Variants in NRP1 observed in about 807,000 individuals in gnomAD.
NRP1 encodes the protein neuropilin-1.
NRP1 carries 35 observed loss-of-function variants against 106.7 expected under a neutral mutation model. The observed-to-expected ratio is 0.33, with a 90% CI of 0.25 to 0.43. The LOEUF is 0.43. Ranked by LOEUF, NRP1 falls within the 20% of genes least tolerant of loss-of-function variation. NRP1 has a pLI of 1.00. For synonymous variants in NRP1, 437 were observed against 417.9 expected (o/e 1.05, Z -0.56); for missense variants, 1,024 against 1,170.4 (o/e 0.87, Z 1.83).
intron 8 of NRP1, among the ~76,000 whole-genome samples, chr10:33,214,447 C>T (rs753301596): frequency 3.9e-5 from 6 of 152,124 alleles, no homozygotes; most frequent in Non-Finnish European, 5.9e-5. Flanking sequence ...TCGTCATTTC[C>T]GTTTTGCTGC....
rs1222857683 is a variant in NRP1 at position 33,213,409 on chromosome 10, C to T, written c.1591G>A (p.Asp531Asn). The stretch of plus-strand genomic sequence containing the variant: ...ACCTTCGCCTTGCGTTTGCTGTCAT[C>T]CATGATCATCTTCCAGTCCGAGCCG... The part of the protein sequence containing the change: ...NNGSDWKMIM[D>N]DSKRKAKSFE... The change falls in exon 9 of 17, where the codon GAT (aspartate) becomes AAT (asparagine). Residue 531 changes from aspartate to asparagine, a missense_variant. Transcript: ENST00000374867. 6.2e-7 allele frequency: 1 copy of T among 1,613,960 alleles called. No homozygotes were observed. Among genetic ancestry groups the T allele is most frequent in the African/African-American group, 1.3e-5 (1 of 74,888 alleles).
chr10:33,240,364 C>G (rs1335527733), intron 6 of NRP1, among the ~76,000 whole-genome samples: 1 of 152,206 alleles, frequency 6.6e-6, no homozygotes, highest in Non-Finnish European at 1.5e-5. Flanking sequence ...TGGGTGATTT[C>G]TAAGTGGCTC....
chr10:33,267,145 G>A (rs1359186476), intron 3 of NRP1, among the ~76,000 whole-genome samples: 1 of 152,206 alleles, frequency 6.6e-6, no homozygotes, highest in Non-Finnish European at 1.5e-5. Flanking sequence ...ATGATTGTCA[G>A]TTTCCTGAGG....
At chr10:33,206,059 T>A (rs538215526) in intron 10 of NRP1, 6 of 376,982 alleles carry the variant, frequency 1.6e-5, no homozygotes, top group South Asian at 7.9e-5. Flanking sequence ...TTAGGTCAGA[T>A]CTCTTTCACT....
chr10:33,308,799 T>TA lies in NRP1; in HGVS notation c.248+21908dup, dbSNP rs944732279. Among the ~76,000 whole-genome samples the TA allele has an allele frequency of 5.9e-5, 9 of 152,182 alleles. No individual in the cohort carries two copies. In the South Asian group the frequency reaches 1.7e-3, roughly 28 times the overall value. ...CCACCATGCCTGGCCTCAATTTTTT[T>TA]AAAAAATGCATATTTCTAAATGCAA... is the stretch of plus-strand genomic sequence containing the variant. On this transcript the variant is annotated intron_variant, in intron 2 of 16. Coordinates refer to ENST00000374867, the MANE Select transcript of NRP1 (RefSeq NM_003873.7).
intron 2 of NRP1, among the ~76,000 whole-genome samples, chr10:33,312,002 A>G (rs1013482339): frequency 1.1e-4 from 17 of 152,218 alleles, no homozygotes; most frequent in African/African-American, 4.1e-4. Flanking sequence ...AATGCTGGGA[A>G]TTAGCTGAAT....
rs201541814 is a variant in NRP1, at chr10:33,221,804, C to T, written c.1197G>A (p.Leu399=). 2.5e-6 allele frequency: 4 copies of T among 1,614,038 alleles called. No individual in the cohort carries two copies. Among genetic ancestry groups the T allele is most frequent in the Non-Finnish European group, 3.4e-6 (4 of 1,179,954 alleles). Residue 399 remains leucine, a synonymous_variant, in exon 8 of 17, where the codon CTG becomes CTA. Transcript: ENST00000374867. ...GCTTGATTCGGACAAATCGAGTTAT[C>T]AGTGGTTTGGGGAATACTGCAACCA... ...DVVVAVFPKP[L]ITRFVRIKPA... is the part of the protein sequence containing the mutation.
At chr10:33,225,403 T>G (rs1245613989) in intron 7 of NRP1, among the ~76,000 whole-genome samples, 1 of 152,234 alleles carries the variant, frequency 6.6e-6, no homozygotes, top group Non-Finnish European at 1.5e-5. Flanking sequence ...TGTGTTTTGC[T>G]CAGCCTCCAG....
chr10:33,198,842 G>T (rs1202267378), intron 11 of NRP1, among the ~76,000 whole-genome samples: 3 of 152,278 alleles, frequency 2.0e-5, no homozygotes, highest in South Asian at 4.1e-4. Context: ...GTTTGGAGAA[G>T]CTGCAGGAAG....
intron 6 of NRP1, among the ~76,000 whole-genome samples, chr10:33,253,383 C>T (rs932950355): frequency 6.6e-6 from 1 of 152,052 alleles, no homozygotes; most frequent in African/African-American, 2.4e-5. Context: ...AAGGGAATGC[C>T]AGAACAAAGC....
At chr10:33,226,779 A>G (rs1386583712) in intron 6 of NRP1, among the ~76,000 whole-genome samples, 9 of 152,178 alleles carry the variant, frequency 5.9e-5, no homozygotes, top group Non-Finnish European at 8.8e-5. Flanking sequence ...AACTCTTTCA[A>G]CCATTGCCAA....
intron 11 of NRP1, among the ~76,000 whole-genome samples, chr10:33,199,923 G>A (rs756017801): frequency 6.6e-6 from 1 of 152,174 alleles, no homozygotes; most frequent in African/African-American, 2.4e-5. Context: ...CCATAAAATC[G>A]TGCTCTTGGA....
In NRP1 at chr10:33,334,490, G is replaced by A. The variant is rs1471763235; in HGVS notation, c.-108C>T. ...CCGAAGAGCCCCAACTCCGCCTAGA[G>A]CTGTACAATCCTCAGCCCGTCTTGG... On this transcript the variant is annotated 5_prime_UTR_variant, in exon 1 of 17. Coordinates refer to ENST00000374867, the MANE Select transcript of NRP1 (RefSeq NM_003873.7). 25 of 944,956 alleles carry A rather than the reference G, an allele frequency of 2.6e-5. No individual in the cohort carries two copies. In the East Asian group the frequency reaches 6.5e-4, roughly 25 times the overall value. The allele number at this position is 944,956 out of a possible 1,614,324, so 58.5% of individuals were successfully genotyped here.
chr10:33,270,395 C>T (rs992048288), intron 3 of NRP1, among the ~76,000 whole-genome samples: 4 of 150,866 alleles, frequency 2.7e-5, no homozygotes, highest in Admixed American at 2.6e-4. Context: ...GGCCTGTGCT[C>T]GGCTCACTGC....
chr10:33,205,989 T>C (rs1380828783), intron 10 of NRP1: 3 of 249,318 alleles, frequency 1.2e-5, no homozygotes, highest in Admixed American at 4.5e-5. Flanking sequence ...TAAAGTTAGT[T>C]TGGCCTATGC....
chr10:33,315,276 A>G (rs891279679), intron 2 of NRP1, among the ~76,000 whole-genome samples: 9 of 152,370 alleles, frequency 5.9e-5, no homozygotes, highest in Non-Finnish European at 7.3e-5. Context: ...TTTAGGGGGA[A>G]TATGTAAGTC....
At chr10:33,212,343 C>T (rs914237657) in intron 9 of NRP1, 1 of 152,176 alleles carries the variant, frequency 6.6e-6, no homozygotes, top group African/African-American at 2.4e-5. Context: ...ATTATCCAGC[C>T]TTTCGAAGGA....
At chr10:33,322,479 G>A (rs1375111981) in intron 2 of NRP1, among the ~76,000 whole-genome samples, 3 of 152,052 alleles carry the variant, frequency 2.0e-5, no homozygotes, top group Non-Finnish European at 4.4e-5. Context: ...CAAACTCCTG[G>A]CCTAAGCGAT....
intron 2 of NRP1, among the ~76,000 whole-genome samples, chr10:33,294,860 C>A (rs772781447): frequency 6.6e-6 from 1 of 152,048 alleles, no homozygotes; most frequent in African/African-American, 2.4e-5. Flanking sequence ...TTTTGATTAA[C>A]AACAAACACA....
Sources: allele counts gnomAD v4.1 joint callset (sites outside exome capture counted in the v4.1 genomes callset), GRCh38; gene constraint gnomAD v4.1.1; transcripts MANE v1.5; gene names NCBI Gene and HGNC (gene_info 2026-07-23, HGNC 2026-07-21).